Variants in ACYP2 observed in about 807,000 individuals in gnomAD.
ACYP2 encodes acylphosphatase-2.
A neutral mutation model predicts 11.2 loss-of-function variants in ACYP2; 12 were observed. That is an observed-to-expected ratio of 1.08 (90% CI 0.69 to 1.74). The LOEUF (loss-of-function observed/expected upper bound fraction) is 1.74. ACYP2 is among the 40% of genes most tolerant of loss of function. ACYP2 has a pLI of 0.00. For synonymous variants in ACYP2, 43 were observed against 32.2 expected (o/e 1.33, Z -1.13); for missense variants, 134 against 101.9 (o/e 1.31, Z -1.35).
At chr2:54,139,046 G>A (rs1345379717) in intron 6 of ACYP2, among the ~76,000 whole-genome samples, 2 of 152,226 alleles carry the variant, frequency 1.3e-5, no homozygotes, top group Non-Finnish European at 1.5e-5. Context: ...TAATATGTTT[G>A]TAGGCAGGCC....
intron 4 of ACYP2, among the ~76,000 whole-genome samples, chr2:54,123,816 C>A (rs1011042902): frequency 6.6e-5 from 10 of 152,126 alleles, no homozygotes; most frequent in African/African-American, 2.4e-4. Flanking sequence ...CCACTAACTC[C>A]CAGCCAAGTC....
At position 54,276,454 on chromosome 2, in the gene ACYP2, G is replaced by A. The variant is rs539188174; in HGVS notation, c.405-28234G>A. Among the ~76,000 whole-genome samples, 625 of 152,216 alleles carry A rather than the reference G, an allele frequency of 4.1e-3. 7 individuals carry two copies. The highest frequency in any genetic ancestry group is 0.014 in the African/African-American group (584 of 41,540). ...ATGATGGAGTTACTAAACCCACTGA[G>A]AAGACTCAATACCATGGGTAGAATC... On this transcript the variant is annotated intron_variant, in intron 6 of 6. Coordinates refer to ENST00000607452, the MANE Select transcript of ACYP2 (RefSeq NM_001320586.2).
At chr2:54,205,848 T>C (rs1244568796) in intron 6 of ACYP2, among the ~76,000 whole-genome samples, 2 of 152,204 alleles carry the variant, frequency 1.3e-5, no homozygotes, top group African/African-American at 4.8e-5. Flanking sequence ...AATTTTGCAC[T>C]TTTAATGTGA....
At chr2:54,160,852 A>G (rs1446843546) in intron 6 of ACYP2, among the ~76,000 whole-genome samples, 1 of 152,224 alleles carries the variant, frequency 6.6e-6, no homozygotes, top group Non-Finnish European at 1.5e-5. Flanking sequence ...TGGGCTAAGA[A>G]CTGGAAGAAG....
chr2:54,077,019 A>G (rs1183825799), intron 4 of ACYP2, among the ~76,000 whole-genome samples: 2 of 152,238 alleles, frequency 1.3e-5, no homozygotes, highest in Admixed American at 6.5e-5. Flanking sequence ...ATACACATAT[A>G]AATCAGGTTT....
At chr2:54,235,235 C>T (rs1686420669) in intron 6 of ACYP2, among the ~76,000 whole-genome samples, 1 of 151,576 alleles carries the variant, frequency 6.6e-6, no homozygotes. Context: ...GAGAATGTTT[C>T]CTATTCTCTG....
At chr2:54,150,686 T>C (rs1682115463) in intron 6 of ACYP2, among the ~76,000 whole-genome samples, 1 of 151,938 alleles carries the variant, frequency 6.6e-6, no homozygotes, top group African/African-American at 2.4e-5. Flanking sequence ...CCTCCCAAAG[T>C]GCTGGGATTG....
rs565865373 is a variant in ACYP2, at chr2:54,245,857, C to T, written c.405-58831C>T. 3.9e-5 allele frequency among the ~76,000 whole-genome samples: 6 copies of T among 152,042 alleles called. No individual in the cohort carries two copies. The South Asian group carries it at 1.2e-3, about 31-fold the overall frequency. On this transcript the variant is annotated intron_variant, in intron 6 of 6. Coordinates refer to ENST00000607452, the MANE Select transcript of ACYP2 (RefSeq NM_001320586.2). ...TTTCTTTTGATGTGCGGAAGCTTTTCAGTTGGATATAATCTGTTCATTTTT... is the reference window on the plus strand; with the variant it reads ...TTTCTTTTGATGTGCGGAAGCTTTTTAGTTGGATATAATCTGTTCATTTTT...
intron 6 of ACYP2, among the ~76,000 whole-genome samples, chr2:54,263,908 CAAA>C (rs1687895833): frequency 2.3e-5 from 1 of 43,908 alleles, no homozygotes; most frequent in Admixed American, 1.5e-4. Flanking sequence ...CAAATCCAAA[CAAA>C]CAGTGAGCAC....
intron 2 of ACYP2, among the ~76,000 whole-genome samples, chr2:54,033,153 TGAGTGTGG>T (rs1674680143): frequency 6.6e-6 from 1 of 150,864 alleles, no homozygotes; most frequent in Non-Finnish European, 1.5e-5. Context: ...CACAGAGATA[TGAGTGTGG>T]GAGTGTGGTT....
chr2:54,005,163 T>C (rs1165953914), intron 2 of ACYP2, among the ~76,000 whole-genome samples: 1 of 152,212 alleles, frequency 6.6e-6, no homozygotes, highest in African/African-American at 2.4e-5. Context: ...ACAGGTAGCC[T>C]GTGATACATT....
At chr2:54,262,431 T>C (rs1687820608) in intron 6 of ACYP2, among the ~76,000 whole-genome samples, 1 of 152,366 alleles carries the variant, frequency 6.6e-6, no homozygotes, top group East Asian at 1.9e-4. Context: ...ATCTAAGTGT[T>C]AGACATAATC....
chr2:54,270,465 A>G (rs112194930), intron 6 of ACYP2, among the ~76,000 whole-genome samples: 2,982 of 152,286 alleles, frequency 0.02, 92 homozygotes, highest in African/African-American at 0.069. Context: ...ATAATTAGCC[A>G]GACATGGTGG....
At chr2:54,188,784 T>C (rs2103882391) in intron 6 of ACYP2, among the ~76,000 whole-genome samples, 1 of 152,288 alleles carries the variant, frequency 6.6e-6, no homozygotes, top group South Asian at 2.1e-4. Flanking sequence ...AGTGTCTTCA[T>C]TTTAACAAGA....
intron 6 of ACYP2, among the ~76,000 whole-genome samples, chr2:54,201,026 G>C (rs1443277688): frequency 1.3e-5 from 2 of 151,594 alleles, no homozygotes; most frequent in Non-Finnish European, 1.5e-5. Context: ...CCTTTCATGT[G>C]CTTATCAGCC....
chr2:54,028,759 C>T (rs940912300), intron 2 of ACYP2, among the ~76,000 whole-genome samples: 4 of 152,208 alleles, frequency 2.6e-5, no homozygotes, highest in African/African-American at 7.2e-5. Context: ...CCCCATCTCC[C>T]TTTCCCCTAA....
chr2:54,260,613 G>T (rs1353737259), intron 6 of ACYP2, among the ~76,000 whole-genome samples: 2 of 152,186 alleles, frequency 1.3e-5, no homozygotes, highest in African/African-American at 4.8e-5. Flanking sequence ...GGAAGATTCA[G>T]GGTACTGAAG....
chr2:54,242,569 A>G (rs1432274464), intron 6 of ACYP2, among the ~76,000 whole-genome samples: 1 of 152,256 alleles, frequency 6.6e-6, no homozygotes, highest in Non-Finnish European at 1.5e-5. Context: ...TCAACGATGA[A>G]CTGCATATAT....
intron 6 of ACYP2, among the ~76,000 whole-genome samples, chr2:54,293,433 C>A (rs147321968): frequency 1.3e-5 from 2 of 152,186 alleles, no homozygotes; most frequent in African/African-American, 2.4e-5. Flanking sequence ...ATAGCTCAAG[C>A]CTGAGTGGCT....
Sources: allele counts gnomAD v4.1 joint callset (sites outside exome capture counted in the v4.1 genomes callset), GRCh38; gene constraint gnomAD v4.1.1; transcripts MANE v1.5; gene names NCBI Gene and HGNC (gene_info 2026-07-23, HGNC 2026-07-21).